Variants in NRG2 observed in about 807,000 individuals in gnomAD.
NRG2 encodes pro-neuregulin-2, membrane-bound isoform.
NRG2 carries 27 observed loss-of-function variants against 73.9 expected under a neutral mutation model. The observed-to-expected ratio is 0.37, with a 90% CI of 0.27 to 0.50. The LOEUF is 0.50. NRG2 is among the 20% of genes least tolerant of loss of function. The probability of loss-of-function intolerance (pLI) is 0.96; values close to 1 mark genes in which losing one functional copy is unlikely to be tolerated. For missense variants in NRG2, 1,126 were observed against 1,210.1 expected (o/e 0.93, Z 1.03); for synonymous variants, 532 against 541.0 (o/e 0.98, Z 0.23).
At chr5:140,015,695 A>G (rs1314812899) in intron 1 of NRG2, among the ~76,000 whole-genome samples, 4 of 152,218 alleles carry the variant, frequency 2.6e-5, no homozygotes, top group Non-Finnish European at 5.9e-5. Flanking sequence ...ACTAGAAAGA[A>G]GTGGTCCAGT....
At chr5:140,023,461 C>T (rs1180976818) in intron 1 of NRG2, among the ~76,000 whole-genome samples, 1 of 152,172 alleles carries the variant, frequency 6.6e-6, no homozygotes, top group Non-Finnish European at 1.5e-5. Flanking sequence ...TTAATCTTCT[C>T]GTTCTCTGAA....
intron 1 of NRG2, among the ~76,000 whole-genome samples, chr5:139,942,565 A>T (rs1446497850): frequency 6.6e-6 from 1 of 152,232 alleles, no homozygotes; most frequent in Non-Finnish European, 1.5e-5. Flanking sequence ...TTCCTCAAAT[A>T]AACAATAATA....
Position 139,912,118 on chromosome 5 carries a change from G to T in NRG2, c.701-24607C>A, listed in dbSNP as rs1449420139. ...TTGCTCACATCTCTCTATCCATTCT[G>T]GGAGGTCAGGCTGCAGGGGTCAGCA... On this transcript the variant is annotated intron_variant, in intron 1 of 9. Coordinates refer to ENST00000361474, the MANE Select transcript of NRG2 (RefSeq NM_004883.3). Among the ~76,000 whole-genome samples, 7 of 152,138 alleles carry T rather than the reference G, an allele frequency of 4.6e-5. No homozygotes were observed. The East Asian group carries it at 1.3e-3, about 29-fold the overall frequency.
chr5:139,988,079 A>T lies in NRG2; in HGVS notation c.700+54291T>A, dbSNP rs993807198. On this transcript the variant is annotated intron_variant, in intron 1 of 9. Coordinates refer to ENST00000361474, the MANE Select transcript of NRG2 (RefSeq NM_004883.3). Reference sequence around the variant, plus strand: ...GTGAGCCACCACGCCCAGCCTCTGCAGGTTGATTTTCAGAAACTAATTCAA... The same window carrying T: ...GTGAGCCACCACGCCCAGCCTCTGCTGGTTGATTTTCAGAAACTAATTCAA... 6.6e-5 allele frequency among the ~76,000 whole-genome samples: 10 copies of T among 151,982 alleles called. 1 individual carries two copies. Among genetic ancestry groups the T allele is most frequent in the Non-Finnish European group, 1.5e-4 (10 of 67,946 alleles).
intron 5 of NRG2, chr5:139,861,606 G>A: frequency 2.3e-6 from 1 of 439,966 alleles, no homozygotes; most frequent in Non-Finnish European, 4.6e-6. Context: ...TCCCAGGTTG[G>A]GGAGTGACCT....
intron 1 of NRG2, among the ~76,000 whole-genome samples, chr5:139,974,187 C>T (rs1756201742): frequency 6.6e-6 from 1 of 152,066 alleles, no homozygotes; most frequent in Admixed American, 6.6e-5. Context: ...AATATATACT[C>T]CCCAACCCCA....
At chr5:139,952,073 C>T (rs1293935835) in intron 1 of NRG2, among the ~76,000 whole-genome samples, 1 of 152,192 alleles carries the variant, frequency 6.6e-6, no homozygotes, top group Non-Finnish European at 1.5e-5. Context: ...GACATACTTT[C>T]CTTGTGTGTA....
At chr5:139,971,348 A>C (rs905599822) in intron 1 of NRG2, among the ~76,000 whole-genome samples, 2 of 152,166 alleles carry the variant, frequency 1.3e-5, no homozygotes, top group Non-Finnish European at 2.9e-5. Context: ...TGGAGTAGGG[A>C]AAGAACTAGG....
chr5:139,892,342 TTGGGGGATGACC>T (rs1764267148), intron 1 of NRG2, among the ~76,000 whole-genome samples: 1 of 152,258 alleles, frequency 6.6e-6, no homozygotes, highest in African/African-American at 2.4e-5. Context: ...AGGCTATAAG[TTGGGGGATGACC>T]TGATCTTACT....
chr5:140,040,340 C>A (rs1761817517), intron 1 of NRG2, among the ~76,000 whole-genome samples: 1 of 152,152 alleles, frequency 6.6e-6, no homozygotes, highest in African/African-American at 2.4e-5. Flanking sequence ...AAGAACTATA[C>A]TACACATGCT....
intron 1 of NRG2, among the ~76,000 whole-genome samples, chr5:139,973,517 AC>A (rs888907257): frequency 6.6e-6 from 1 of 152,000 alleles, no homozygotes; most frequent in African/African-American, 2.4e-5. Flanking sequence ...ATGTGCCTAC[AC>A]CCCTGGCTAA....
At chr5:139,985,424 T>C (rs1168243571) in intron 1 of NRG2, among the ~76,000 whole-genome samples, 1 of 151,940 alleles carries the variant, frequency 6.6e-6, no homozygotes, top group Non-Finnish European at 1.5e-5. Context: ...TTCTAAGCAC[T>C]GTACCTAGCA....
intron 1 of NRG2, among the ~76,000 whole-genome samples, chr5:140,017,076 G>A (rs1198070416): frequency 1.3e-5 from 2 of 152,198 alleles, no homozygotes; most frequent in Non-Finnish European, 2.9e-5. Context: ...AATATAAAAA[G>A]ACCAGCTATG....
chr5:139,893,399 A>G (rs1218932984), intron 1 of NRG2, among the ~76,000 whole-genome samples: 2 of 152,176 alleles, frequency 1.3e-5, no homozygotes, highest in African/African-American at 4.8e-5. Flanking sequence ...GGGACCCTCA[A>G]AGGTCCAGCA....
chr5:139,922,989 G>A (rs960897639), intron 1 of NRG2, among the ~76,000 whole-genome samples: 1 of 152,096 alleles, frequency 6.6e-6, no homozygotes, highest in African/African-American at 2.4e-5. Context: ...GGATTTTTAG[G>A]GCAGTGAAAA....
chr5:139,955,081 T>G (rs965872960), intron 1 of NRG2, among the ~76,000 whole-genome samples: 1 of 152,160 alleles, frequency 6.6e-6, no homozygotes, highest in African/African-American at 2.4e-5. Context: ...CTAGACAGCA[T>G]GGAGAAAATG....
intron 4 of NRG2, among the ~76,000 whole-genome samples, chr5:139,866,677 G>A (rs1431406000): frequency 6.6e-6 from 1 of 152,160 alleles, no homozygotes; most frequent in Non-Finnish European, 1.5e-5. Context: ...ATCACTGCCT[G>A]GACCTGCCCT....
At chr5:139,940,702 C>T (rs949804668) in intron 1 of NRG2, among the ~76,000 whole-genome samples, 2 of 152,140 alleles carry the variant, frequency 1.3e-5, no homozygotes, top group African/African-American at 4.8e-5. Context: ...GCCATGTAGG[C>T]AGAGAATATC....
chr5:139,919,706 C>T (rs1381014970), intron 1 of NRG2, among the ~76,000 whole-genome samples: 1 of 152,078 alleles, frequency 6.6e-6, no homozygotes, highest in African/African-American at 2.4e-5. Context: ...ATTGAGAAAA[C>T]AAAACTGAAT....
Sources: gnomAD v4.1 joint callset for allele counts (sites outside exome capture counted in the v4.1 genomes callset) on GRCh38, gnomAD v4.1.1 for gene constraint, MANE v1.5 for transcripts, NCBI Gene and HGNC (gene_info 2026-07-23, HGNC 2026-07-21) for gene names.